The following TENM3 variants were observed in gnomAD, a reference collection of about 807,000 sequenced individuals.
TENM3 encodes teneurin transmembrane protein 3.
In TENM3, 63 loss-of-function variants were observed where a neutral mutation model predicts 255.1. That is an observed-to-expected ratio of 0.25 (90% CI 0.20 to 0.30). The LOEUF is 0.30. TENM3 is among the 10% of genes least tolerant of loss of function. TENM3 has a pLI of 1.00. For missense variants in TENM3, 2,929 were observed against 3,461.1 expected, an observed-to-expected ratio of 0.85 and a Z score of 3.86; for synonymous variants, 1,306 against 1,322.3, an observed-to-expected ratio of 0.99 and a Z score of 0.27.
At chr4:181,720,206 T>C in the TENM3 span, among the ~76,000 whole-genome samples, 2 of 152,246 alleles carry the variant, frequency 1.3e-5, no homozygotes, top group African/African-American at 4.8e-5. Context: ...GAAAAAATAC[T>C]AATAACAAAT....
chr4:182,592,563 A>C (rs1242224541), intron 3 of TENM3, among the ~76,000 whole-genome samples: 1 of 152,172 alleles, frequency 6.6e-6, no homozygotes, highest in African/African-American at 2.4e-5. Context: ...GTTTCTACTA[A>C]AAATATAAAA....
At chr4:182,263,057 C>G (rs1758959457) in intron 1 of TENM3, among the ~76,000 whole-genome samples, 1 of 152,104 alleles carries the variant, frequency 6.6e-6, no homozygotes, top group Non-Finnish European at 1.5e-5. Flanking sequence ...CAGGAAGCCT[C>G]TCTTGGGGTC....
chr4:182,390,376 A>T (rs1768339756), intron 3 of TENM3, among the ~76,000 whole-genome samples: 1 of 152,190 alleles, frequency 6.6e-6, no homozygotes, highest in Non-Finnish European at 1.5e-5. Flanking sequence ...GCAGAATCAC[A>T]TTCTTTAAAA....
the TENM3 span, among the ~76,000 whole-genome samples, chr4:181,867,383 C>T: frequency 2.0e-5 from 3 of 152,162 alleles, no homozygotes; most frequent in African/African-American, 7.2e-5. Context: ...TACTCATCCT[C>T]AGTCTCCATT....
chr4:182,234,680 C>A (rs747723980), intron 1 of TENM3, among the ~76,000 whole-genome samples: 1 of 151,718 alleles, frequency 6.6e-6, no homozygotes, highest in Non-Finnish European at 1.5e-5. Flanking sequence ...TGCAGTGAGC[C>A]GAGATTGCAC....
the TENM3 span, among the ~76,000 whole-genome samples, chr4:181,699,206 G>A: frequency 3.3e-5 from 5 of 152,112 alleles, no homozygotes; most frequent in East Asian, 3.9e-4. Context: ...TGAGACCAGA[G>A]GATTGCTTGA....
At chr4:182,340,053 T>C (rs1033244968) in intron 2 of TENM3, among the ~76,000 whole-genome samples, 2 of 152,186 alleles carry the variant, frequency 1.3e-5, no homozygotes, top group East Asian at 3.9e-4. Context: ...ACCTAATTTT[T>C]CTTATTTGGG....
rs17073715 is a variant in TENM3, at chr4:182,654,203, C to T, written c.1111+310C>T. 0.051 allele frequency among the ~76,000 whole-genome samples: 7,824 copies of T among 152,106 alleles called. 663 individuals carry two copies. Among genetic ancestry groups the T allele is most frequent in the African/African-American group, 0.17 (7,108 of 41,454 alleles). On this transcript the variant is annotated intron_variant, in intron 6 of 27. Coordinates refer to ENST00000511685, the MANE Select transcript of TENM3 (RefSeq NM_001080477.4). ...TAGATTATAATTCAGTGTATCATCT[C>T]TTGTATTACCTTGGGTTTATTAGGT...
the TENM3 span, among the ~76,000 whole-genome samples, chr4:181,882,496 G>T: frequency 6.6e-6 from 1 of 152,270 alleles, no homozygotes; most frequent in African/African-American, 2.4e-5. Context: ...AGAATTAGAG[G>T]GTGAAGACTG....
At chr4:181,596,214 A>G in the TENM3 span, among the ~76,000 whole-genome samples, 2 of 152,218 alleles carry the variant, frequency 1.3e-5, no homozygotes, top group Non-Finnish European at 2.9e-5. Flanking sequence ...TAGTTAAAGG[A>G]AACAATGTGA....
At chr4:182,531,488 C>T (rs537528838) in intron 3 of TENM3, among the ~76,000 whole-genome samples, 2 of 152,242 alleles carry the variant, frequency 1.3e-5, no homozygotes, top group African/African-American at 2.4e-5. Flanking sequence ...TCCCCAAGAC[C>T]ACCCCAGGCT....
intron 17 of TENM3, among the ~76,000 whole-genome samples, chr4:182,738,079 G>T (rs1243044585): frequency 1.3e-5 from 2 of 152,082 alleles, no homozygotes; most frequent in Non-Finnish European, 2.9e-5. Context: ...TCTAATCACT[G>T]TTTGAGACTG....
intron 2 of TENM3, among the ~76,000 whole-genome samples, chr4:182,329,971 CT>C (rs992886872): frequency 4.0e-5 from 6 of 151,656 alleles, no homozygotes; most frequent in South Asian, 2.1e-4. Context: ...AGGCAGGTTA[CT>C]TTTTTTTACT....
chr4:182,773,703 G>A (rs1764454581), intron 23 of TENM3, 56 bp downstream of exon 23: 1 of 1,498,004 alleles, frequency 6.7e-7, no homozygotes, highest in Non-Finnish European at 9.1e-7. Context: ...ACAGAATGCG[G>A]CAACACCCAC....
chr4:182,784,550 G>A (rs2152816525), intron 24 of TENM3, among the ~76,000 whole-genome samples: 1 of 152,026 alleles, frequency 6.6e-6, no homozygotes, highest in East Asian at 2.0e-4. Flanking sequence ...TACAGAGGCA[G>A]GCAGGCCTCC....
At chr4:181,974,992 C>T in the TENM3 span, among the ~76,000 whole-genome samples, 2 of 152,114 alleles carry the variant, frequency 1.3e-5, no homozygotes, top group African/African-American at 4.8e-5. Context: ...TCTTTATGTC[C>T]TGTTGAGTTC....
the TENM3 span, among the ~76,000 whole-genome samples, chr4:181,969,882 G>A: frequency 5.6e-4 from 85 of 152,214 alleles, 2 homozygotes; most frequent in Admixed American, 1.2e-3. Context: ...TATTTAATTC[G>A]TTAACGTGTT....
At chr4:182,472,574 C>G (rs1460528733) in intron 3 of TENM3, among the ~76,000 whole-genome samples, 1 of 152,140 alleles carries the variant, frequency 6.6e-6, no homozygotes, top group South Asian at 2.1e-4. Flanking sequence ...TTTTTGCTTA[C>G]ATACTCACTA....
intron 3 of TENM3, among the ~76,000 whole-genome samples, chr4:182,543,640 T>TA (rs1741126179): frequency 6.6e-6 from 1 of 152,088 alleles, no homozygotes; most frequent in Admixed American, 6.6e-5. Context: ...CCAAAAAACT[T>TA]AAAAAATTGA....
Sources: gnomAD v4.1 joint callset for allele counts (sites outside exome capture counted in the v4.1 genomes callset) on GRCh38, gnomAD v4.1.1 for gene constraint, MANE v1.5 for transcripts, NCBI Gene and HGNC (gene_info 2026-07-23, HGNC 2026-07-21) for gene names.